The following RNF13 variants were observed in gnomAD, a reference collection of about 807,000 sequenced individuals.
RNF13 encodes E3 ubiquitin-protein ligase RNF13.
A neutral mutation model predicts 37.7 loss-of-function variants in RNF13; 19 were observed. The observed-to-expected ratio is 0.50, with a 90% confidence interval of 0.35 to 0.74. The LOEUF is 0.74. Ranked by LOEUF, RNF13 falls within the 30% of genes least tolerant of loss-of-function variation. RNF13 has a pLI of 0.01. For missense variants in RNF13, 375 were observed against 453.0 expected, an observed-to-expected ratio of 0.83 and a Z score of 1.56; for synonymous variants, 144 against 157.8, an observed-to-expected ratio of 0.91 and a Z score of 0.65.
At chr3:149,891,400 A>G (rs1186271411) in intron 4 of RNF13, among the ~76,000 whole-genome samples, 1 of 152,244 alleles carries the variant, frequency 6.6e-6, no homozygotes, top group African/African-American at 2.4e-5. Context: ...GCTAGAAATA[A>G]GATGAATTAT....
chr3:149,911,922 A>T, intron 6 of RNF13, 56 bp from the exon 7 acceptor site: 1 of 899,190 alleles, frequency 1.1e-6, no homozygotes, highest in South Asian at 1.4e-5. Flanking sequence ...TTTTTAATTA[A>T]CATCAGAATT....
At chr3:149,903,265 G>A (rs1341919402) in intron 6 of RNF13, among the ~76,000 whole-genome samples, 3 of 151,736 alleles carry the variant, frequency 2.0e-5, no homozygotes, top group African/African-American at 7.3e-5. Context: ...TTAAAAGAGA[G>A]GAGAATTAGT....
chr3:149,898,431 T>C (rs1370557212), intron 5 of RNF13, among the ~76,000 whole-genome samples: 1 of 152,178 alleles, frequency 6.6e-6, no homozygotes, highest in Non-Finnish European at 1.5e-5. Flanking sequence ...ATATCTTTCA[T>C]TGAGGTAGTA....
At chr3:149,833,825 A>G (rs1244460957) in intron 1 of RNF13, among the ~76,000 whole-genome samples, 13 of 152,244 alleles carry the variant, frequency 8.5e-5, no homozygotes, top group Admixed American at 2.0e-4. Flanking sequence ...TAAGATTACC[A>G]TTGTAAGCAG....
intron 8 of RNF13, among the ~76,000 whole-genome samples, chr3:149,930,325 A>T (rs142278628): frequency 6.6e-6 from 1 of 152,138 alleles, no homozygotes; most frequent in African/African-American, 2.4e-5. Flanking sequence ...GCCATTCCGT[A>T]TATACTTGTG....
rs1264696221 is a variant in RNF13, at chr3:149,881,447, T to C, written c.321+9293T>C. ...CCAGGTTCAAATGATTCTCCTGCCC[T>C]AGCCTCCTGAGTAGCTGATATTACA... On this transcript the variant is annotated intron_variant, in intron 4 of 9. Coordinates refer to ENST00000392894, the MANE Select transcript of RNF13 (RefSeq NM_183381.3). 5.3e-5 allele frequency among the ~76,000 whole-genome samples: 8 copies of C among 152,088 alleles called. 1 individual carries two copies. In the South Asian group the frequency reaches 1.7e-3, roughly 32 times the overall value.
chr3:149,948,394 GTTCA>G (rs1720984343), intron 8 of RNF13, among the ~76,000 whole-genome samples: 1 of 152,158 alleles, frequency 6.6e-6, no homozygotes, highest in South Asian at 2.1e-4. Flanking sequence ...TATTACTTTT[GTTCA>G]TTGTTTTTTG....
At chr3:149,903,051 TTC>T (rs1383105148) in intron 6 of RNF13, among the ~76,000 whole-genome samples, 1 of 152,134 alleles carries the variant, frequency 6.6e-6, no homozygotes, top group Non-Finnish European at 1.5e-5. Context: ...CCACGAATAT[TTC>T]TGTTTGAAAA....
At chr3:149,887,100 A>T (rs1714123472) in intron 4 of RNF13, among the ~76,000 whole-genome samples, 1 of 152,134 alleles carries the variant, frequency 6.6e-6, no homozygotes, top group South Asian at 2.1e-4. Context: ...AATCGCTGAC[A>T]CCACCCTTCT....
intron 1 of RNF13, among the ~76,000 whole-genome samples, chr3:149,827,849 C>G (rs1720658425): frequency 6.6e-6 from 1 of 151,920 alleles, no homozygotes; most frequent in Non-Finnish European, 1.5e-5. Context: ...GTGGCTCATG[C>G]CTGTTATCCT....
chr3:149,864,532 G>A lies in RNF13; in HGVS notation c.196-7497G>A, dbSNP rs541322714. 1.1e-4 allele frequency among the ~76,000 whole-genome samples: 17 copies of A among 152,098 alleles called. No homozygotes were observed. In the South Asian group the frequency reaches 2.1e-3, roughly 19 times the overall value. ...ATTAAAAGGCATTGTCCTCCAGAGC[G>A]CACATTCATTTTGTTTTCTAAAATG... is the stretch of plus-strand genomic sequence containing the variant. On this transcript the variant is annotated intron_variant, in intron 3 of 9. Transcript: ENST00000392894.
chr3:149,921,102 T>C, intron 7 of RNF13, 32 bp from the exon 8 acceptor site: 1 of 895,686 alleles, frequency 1.1e-6, no homozygotes, highest in African/African-American at 1.7e-5. Context: ...ACATTTAATA[T>C]CTGACTCCTT....
At chr3:149,921,856 A>G (rs1315197162) in intron 8 of RNF13, among the ~76,000 whole-genome samples, 1 of 152,144 alleles carries the variant, frequency 6.6e-6, no homozygotes, top group Non-Finnish European at 1.5e-5. Flanking sequence ...CTAGTTCTAG[A>G]TCCCTGAGGA....
intron 1 of RNF13, among the ~76,000 whole-genome samples, chr3:149,827,385 C>T (rs908290581): frequency 2.6e-5 from 4 of 151,876 alleles, no homozygotes; most frequent in African/African-American, 7.3e-5. Flanking sequence ...TCACAGACAC[C>T]GAGGATGACT....
At chr3:149,935,467 T>C (rs1719581324) in intron 8 of RNF13, among the ~76,000 whole-genome samples, 1 of 152,170 alleles carries the variant, frequency 6.6e-6, no homozygotes, top group Non-Finnish European at 1.5e-5. Context: ...TCTTTCTTTC[T>C]CTTTCACCTT....
At chr3:149,815,911 A>AT (rs937705363) in intron 1 of RNF13, among the ~76,000 whole-genome samples, 67 of 150,184 alleles carry the variant, frequency 4.5e-4, no homozygotes, top group Middle Eastern at 3.5e-3. Flanking sequence ...TTTCCTTTTT[A>AT]TTTTTTTTTG....
At chr3:149,931,685 T>G (rs1299968472) in intron 8 of RNF13, among the ~76,000 whole-genome samples, 2 of 152,198 alleles carry the variant, frequency 1.3e-5, no homozygotes, top group African/African-American at 2.4e-5. Flanking sequence ...ATGATCATTT[T>G]TGTGTGTGTG....
At chr3:149,836,921 A>T (rs1721682546) in intron 1 of RNF13, among the ~76,000 whole-genome samples, 1 of 152,206 alleles carries the variant, frequency 6.6e-6, no homozygotes, top group African/African-American at 2.4e-5. Flanking sequence ...TTCCACTTAT[A>T]TTAGGTAGTT....
At chr3:149,873,658 T>C (rs1712344995) in intron 4 of RNF13, among the ~76,000 whole-genome samples, 1 of 152,202 alleles carries the variant, frequency 6.6e-6, no homozygotes, top group Non-Finnish European at 1.5e-5. Context: ...CAGTGATCTT[T>C]ACCACCCATT....
Sources: allele counts gnomAD v4.1 joint callset (sites outside exome capture counted in the v4.1 genomes callset), GRCh38; gene constraint gnomAD v4.1.1; transcripts MANE v1.5; gene names NCBI Gene and HGNC (gene_info 2026-07-23, HGNC 2026-07-21).